The following DNAH7 variants were observed in gnomAD, a reference collection of about 807,000 sequenced individuals.
DNAH7 encodes the protein dynein axonemal heavy chain 7, also known as axonemal beta dynein heavy chain 7.
DNAH7 carries 397 observed loss-of-function variants against 444.6 expected under a neutral mutation model. The ratio of observed to expected loss-of-function variants is 0.89; its 90% CI spans 0.82 to 0.97. DNAH7 has a LOEUF of 0.97. DNAH7 is among the 50% of genes least tolerant of loss of function. The pLI is 0.00. For synonymous variants in DNAH7, 1,636 were observed against 1,624.4 expected (o/e 1.01, Z -0.17); for missense variants, 4,902 against 4,800.8 (o/e 1.02, Z -0.62).
intron 24 of DNAH7, among the ~76,000 whole-genome samples, chr2:195,917,422 C>T (rs1289390535): frequency 6.6e-6 from 1 of 152,136 alleles, no homozygotes; most frequent in African/African-American, 2.4e-5. Flanking sequence ...GTGGACAGCC[C>T]ACCCTAAGAA....
intron 24 of DNAH7, among the ~76,000 whole-genome samples, chr2:195,916,458 C>G (rs1375434596): frequency 2.0e-5 from 3 of 150,210 alleles, no homozygotes; most frequent in Non-Finnish European, 4.4e-5. Flanking sequence ...CCTGCCCCAC[C>G]AGGAATGTCA....
At chr2:195,876,517 C>T in intron 37 of DNAH7, 27 bp downstream of exon 37, 6 of 1,609,462 alleles carry the variant, frequency 3.7e-6, no homozygotes, top group Non-Finnish European at 5.1e-6. Flanking sequence ...TATGAATAGG[C>T]CCGGGTACTG....
At chr2:196,004,447 A>C (rs1235457276) in intron 10 of DNAH7, among the ~76,000 whole-genome samples, 1 of 152,204 alleles carries the variant, frequency 6.6e-6, no homozygotes, top group Admixed American at 6.5e-5. Context: ...CAAAATCATT[A>C]ATCAATAACA....
intron 46 of DNAH7, among the ~76,000 whole-genome samples, chr2:195,852,637 G>C (rs559736976): frequency 2.6e-4 from 39 of 152,150 alleles, no homozygotes; most frequent in Non-Finnish European, 4.9e-4. Context: ...AAACTAAAAA[G>C]TGGAAGAGAA....
At chr2:195,847,754 T>C (rs913964888) in intron 46 of DNAH7, among the ~76,000 whole-genome samples, 9 of 152,184 alleles carry the variant, frequency 5.9e-5, no homozygotes, top group Admixed American at 5.2e-4. Context: ...TACAATATTA[T>C]AGTAGAAAAG....
chr2:195,807,117 GCTA>G (rs1219123177), intron 53 of DNAH7, among the ~76,000 whole-genome samples: 2 of 151,872 alleles, frequency 1.3e-5, no homozygotes, highest in African/African-American at 4.8e-5. Context: ...ATGTGCATAT[GCTA>G]CTATTTTCCC....
At chr2:195,940,074 A>G (rs1417305210) in intron 19 of DNAH7, among the ~76,000 whole-genome samples, 1 of 152,166 alleles carries the variant, frequency 6.6e-6, no homozygotes, top group Non-Finnish European at 1.5e-5. Flanking sequence ...AAACAATCCT[A>G]AGCAAAAAGA....
intron 61 of DNAH7, 74 bp downstream of exon 61, chr2:195,771,586 A>T (rs892820321): frequency 2.0e-5 from 23 of 1,125,718 alleles, no homozygotes; most frequent in Non-Finnish European, 2.7e-5. Flanking sequence ...TATTTGTGCT[A>T]AACAAGTATT....
intron 33 of DNAH7, among the ~76,000 whole-genome samples, chr2:195,886,979 C>A (rs1260576064): frequency 6.6e-6 from 1 of 152,022 alleles, no homozygotes; most frequent in Non-Finnish European, 1.5e-5. Context: ...CAGTTGCCAC[C>A]CCAGTAGAAA....
At chr2:195,833,705 C>T (rs1698182740) in intron 48 of DNAH7, among the ~76,000 whole-genome samples, 1 of 152,108 alleles carries the variant, frequency 6.6e-6, no homozygotes, top group Admixed American at 6.5e-5. Context: ...TTTTAGATGG[C>T]AGATAATAAC....
chr2:195,740,647 ATATACACACAC>A, intron 64 of DNAH7, 108 bp downstream of exon 64: 2 of 30,322 alleles, frequency 6.6e-5, no homozygotes, highest in Non-Finnish European at 1.3e-4. Context: ...ATATATATAC[ATATACACACAC>A]ACATATGTAT....
In DNAH7 at chr2:195,845,092, C is replaced by T. The variant is rs965763337; in HGVS notation, c.8855G>A (p.Gly2952Asp). The T allele has an allele frequency of 6.2e-7, 1 of 1,613,786 alleles. No individual in the cohort carries two copies. Among genetic ancestry groups the T allele is most frequent in the Non-Finnish European group, 8.5e-7 (1 of 1,179,854 alleles). ...IPCSDDCSLM[G>D]TLGEAVTIRT... ...AATTGTCACAGCTTCTCCCAGGGTA[C>T]CCATAAGAGAGCAATCATCTGAGCA... The change falls in exon 47 of 65, where the codon GGT becomes GAT. Residue 2952 changes from glycine to aspartate, a missense_variant. Physicochemically the swap from Gly to Asp is moderately conservative, Grantham distance 94. Coordinates refer to ENST00000312428, the MANE Select transcript of DNAH7 (RefSeq NM_018897.3).
In DNAH7 at chr2:195,860,950, T is replaced by G. The variant is rs1361583889; in HGVS notation, c.7736+767A>C. ...TTAAAAGTACTTAAGGCTTACCATA[T>G]GTATACGTTTAAAATACTAGACTTA... On this transcript the variant is annotated intron_variant, in intron 42 of 64. Transcript: ENST00000312428. Among the ~76,000 whole-genome samples, 4 of 152,214 alleles carry G rather than the reference T, an allele frequency of 2.6e-5. No homozygotes were observed. In the East Asian group the frequency reaches 7.7e-4, roughly 29 times the overall value.
chr2:195,991,184 A>G (rs1358145901), intron 12 of DNAH7, among the ~76,000 whole-genome samples: 2 of 151,902 alleles, frequency 1.3e-5, no homozygotes, highest in African/African-American at 4.8e-5. Flanking sequence ...CTAGCATACA[A>G]CACAAAGCTA....
chr2:195,772,647 G>GTT (rs1694893263), intron 60 of DNAH7, among the ~76,000 whole-genome samples: 1 of 152,038 alleles, frequency 6.6e-6, no homozygotes, highest in Non-Finnish European at 1.5e-5. Context: ...AGGAAACTGT[G>GTT]TTTAGTCTTC....
At chr2:195,919,122 C>T (rs1274962230) in intron 24 of DNAH7, among the ~76,000 whole-genome samples, 2 of 151,360 alleles carry the variant, frequency 1.3e-5, no homozygotes, top group Non-Finnish European at 2.9e-5. Flanking sequence ...TGGTGGTGCA[C>T]GCCTGTAATC....
intron 63 of DNAH7, among the ~76,000 whole-genome samples, chr2:195,748,606 C>T (rs191642952): frequency 5.3e-5 from 8 of 152,250 alleles, no homozygotes; most frequent in East Asian, 3.9e-4. Context: ...CTACAGTAAC[C>T]GAAACAGCAT....
At chr2:195,778,798 A>G (rs968756045) in intron 58 of DNAH7, among the ~76,000 whole-genome samples, 5 of 148,434 alleles carry the variant, frequency 3.4e-5, no homozygotes, top group African/African-American at 9.9e-5. Context: ...ATATCCATAT[A>G]TATTTGACAA....
At chr2:195,771,421 A>G (rs887338492) in intron 61 of DNAH7, among the ~76,000 whole-genome samples, 5 of 152,236 alleles carry the variant, frequency 3.3e-5, no homozygotes, top group African/African-American at 1.2e-4. Flanking sequence ...TCTCCTTAGC[A>G]TATATCCAAT....
Sources: allele counts gnomAD v4.1 joint callset (sites outside exome capture counted in the v4.1 genomes callset), GRCh38; gene constraint gnomAD v4.1.1; transcripts MANE v1.5; gene names NCBI Gene and HGNC (gene_info 2026-07-23, HGNC 2026-07-21).